The following SMYD3 variants were observed in gnomAD, a reference collection of about 807,000 sequenced individuals.
The protein encoded by SMYD3 is SET and MYND domain containing 3.
SMYD3 carries 36 observed loss-of-function variants against 57.7 expected under a neutral mutation model. The ratio of observed to expected loss-of-function variants is 0.62; its 90% CI spans 0.48 to 0.82. The LOEUF is 0.82. Among genes scored for constraint, SMYD3 ranks in the 40% least tolerant of loss-of-function variants. SMYD3 has a pLI of 0.00. For missense variants in SMYD3, 515 were observed against 538.8 expected (o/e 0.96, Z 0.44); for synonymous variants, 211 against 195.0 (o/e 1.08, Z -0.68).
intron 5 of SMYD3, among the ~76,000 whole-genome samples, chr1:245,980,161 C>CTGTG (rs1489267725): frequency 6.6e-6 from 1 of 152,228 alleles, no homozygotes; most frequent in African/African-American, 2.4e-5. Flanking sequence ...ACCCAAGCGG[C>CTGTG]ATGATCTCTA....
chr1:246,003,014 C>T (rs1245019078), intron 5 of SMYD3, among the ~76,000 whole-genome samples: 2 of 152,186 alleles, frequency 1.3e-5, no homozygotes, highest in Non-Finnish European at 2.9e-5. Context: ...GTGCGTTCTA[C>T]ACTCACCAAA....
chr1:245,998,659 TA>T (rs2058977880), intron 5 of SMYD3, among the ~76,000 whole-genome samples: 3 of 152,146 alleles, frequency 2.0e-5, no homozygotes, highest in African/African-American at 7.2e-5. Context: ...TGCTTCTCGG[TA>T]TATGCCCAAA....
chr1:246,133,742 T>A (rs2061623724), intron 5 of SMYD3, among the ~76,000 whole-genome samples: 1 of 152,104 alleles, frequency 6.6e-6, no homozygotes, highest in African/African-American at 2.4e-5. Flanking sequence ...GGAGAACACA[T>A]GTGCAAGCGA....
chr1:246,219,892 C>G (rs935954125), intron 5 of SMYD3, among the ~76,000 whole-genome samples: 1 of 152,204 alleles, frequency 6.6e-6, no homozygotes, highest in Middle Eastern at 3.4e-3. Context: ...CTGCTGGTGC[C>G]GTAGTGGCTG....
At chr1:246,128,879 T>C (rs73141322) in intron 5 of SMYD3, among the ~76,000 whole-genome samples, 1,779 of 152,254 alleles carry the variant, frequency 0.012, 27 homozygotes, top group African/African-American at 0.04. Context: ...CACAGCTCAC[T>C]GCAGCCTCAA....
intron 5 of SMYD3, 118 bp from the exon 6 acceptor site, chr1:245,930,055 G>A (rs1397428655): frequency 2.6e-6 from 2 of 778,504 alleles, no homozygotes; most frequent in Admixed American, 2.0e-5. Flanking sequence ...GCTTAAGAAA[G>A]AGCCAAGCCA....
chr1:246,506,999 C>CCCCCCCCCCCCCCA, intron 1 of SMYD3, 55 bp downstream of exon 1: 1 of 972,792 alleles, frequency 1.0e-6, no homozygotes, highest in Non-Finnish European at 1.3e-6. Flanking sequence ...GCCCCCCCCT[C>CCCCCCCCCCCCCCA]CCCAGCACCC....
intron 10 of SMYD3, among the ~76,000 whole-genome samples, chr1:245,797,889 G>C (rs1316781549): frequency 1.3e-5 from 2 of 149,052 alleles, no homozygotes; most frequent in African/African-American, 2.5e-5. Context: ...CTTGTGGTCT[G>C]CTTCTTATGT....
chr1:246,500,568 G>C (rs1459305045), intron 1 of SMYD3, among the ~76,000 whole-genome samples: 2 of 152,194 alleles, frequency 1.3e-5, no homozygotes, highest in Non-Finnish European at 2.9e-5. Context: ...TGGTCCTGAA[G>C]ATGTGTTGCC....
intron 5 of SMYD3, among the ~76,000 whole-genome samples, chr1:246,292,936 GAAACATGGGTTGGGAA>G (rs1184183122): frequency 6.6e-6 from 1 of 152,096 alleles, no homozygotes; most frequent in Non-Finnish European, 1.5e-5. Context: ...ACTGAAAACT[GAAACATGGGTTGGGAA>G]AAATTGCTGA....
chr1:245,977,326 C>T (rs902961393), intron 5 of SMYD3, among the ~76,000 whole-genome samples: 2 of 152,234 alleles, frequency 1.3e-5, no homozygotes, highest in African/African-American at 4.8e-5. Flanking sequence ...TCTAGCCTTG[C>T]TCCCTCATGG....
At chr1:246,016,574 A>G (rs2059380395) in intron 5 of SMYD3, among the ~76,000 whole-genome samples, 1 of 152,058 alleles carries the variant, frequency 6.6e-6, no homozygotes, top group Non-Finnish European at 1.5e-5. Flanking sequence ...CAATAGCAAA[A>G]TTCAGTCTCA....
At chr1:246,096,863 T>A (rs1219852186) in intron 5 of SMYD3, among the ~76,000 whole-genome samples, 2 of 152,202 alleles carry the variant, frequency 1.3e-5, no homozygotes, top group African/African-American at 4.8e-5. Flanking sequence ...AACCACCAAA[T>A]GATCTGTCCA....
intron 1 of SMYD3, among the ~76,000 whole-genome samples, chr1:246,379,553 A>G (rs2066353398): frequency 6.6e-6 from 1 of 152,230 alleles, no homozygotes; most frequent in Non-Finnish European, 1.5e-5. Context: ...ATGAAAAATT[A>G]CTGAATTAAC....
In SMYD3 at chr1:245,888,151, T is replaced by C. The variant is rs559734164; in HGVS notation, c.814-24265A>G. 7.2e-5 allele frequency among the ~76,000 whole-genome samples: 11 copies of C among 152,340 alleles called. No individual in the cohort carries two copies. The East Asian group carries it at 7.7e-4, about 11-fold the overall frequency. On this transcript the variant is annotated intron_variant, in intron 8 of 11. Transcript: ENST00000490107. ...CTCTTCTTACATGATAGACCTGTCA[T>C]GGAGTCTCACCCAAGTGGGTTGTAA...
intron 5 of SMYD3, among the ~76,000 whole-genome samples, chr1:246,240,362 T>G (rs1399638726): frequency 6.6e-6 from 1 of 152,206 alleles, no homozygotes. Context: ...TTCCCCCATT[T>G]CTTGTTTTTG....
At chr1:246,371,753 C>T (rs907552021) in intron 1 of SMYD3, among the ~76,000 whole-genome samples, 17 of 152,180 alleles carry the variant, frequency 1.1e-4, no homozygotes, top group Admixed American at 8.5e-4. Context: ...CTCTCTCTTA[C>T]TTCCTCCAAT....
At chr1:245,810,367 C>T (rs186644482) in intron 10 of SMYD3, among the ~76,000 whole-genome samples, 20 of 152,310 alleles carry the variant, frequency 1.3e-4, no homozygotes, top group African/African-American at 3.8e-4. Flanking sequence ...ATGACTCTGG[C>T]GCCCTGAGGC....
At chr1:246,301,334 C>T (rs1052717353) in intron 5 of SMYD3, among the ~76,000 whole-genome samples, 3 of 152,044 alleles carry the variant, frequency 2.0e-5, no homozygotes, top group African/African-American at 7.2e-5. Context: ...CGTGCAGGAG[C>T]CAAGACAAAC....
Sources: gnomAD v4.1 joint callset for allele counts (sites outside exome capture counted in the v4.1 genomes callset) on GRCh38, gnomAD v4.1.1 for gene constraint, MANE v1.5 for transcripts, NCBI Gene and HGNC (gene_info 2026-07-23, HGNC 2026-07-21) for gene names.